TMEM74: variants seen among roughly 807,000 people sequenced by gnomAD.
TMEM74 encodes the protein transmembrane protein 74.
In TMEM74, 13 loss-of-function variants were observed where a neutral mutation model predicts 18.1. The ratio of observed to expected loss-of-function variants is 0.72; its 90% confidence interval spans 0.47 to 1.14. TMEM74 has a LOEUF of 1.14. Ranked by LOEUF, TMEM74 falls within the 50% of genes most tolerant of loss-of-function variation. TMEM74 has a pLI of 0.00. For synonymous variants in TMEM74, 159 were observed against 146.6 expected (o/e 1.08, Z -0.61); for missense variants, 372 against 375.9 (o/e 0.99, Z 0.09).
chr8:108,657,276 A>T, intron 1 of TMEM74, among the ~76,000 whole-genome samples: 1 of 152,028 alleles, frequency 6.6e-6, no homozygotes, highest in Non-Finnish European at 1.5e-5. Flanking sequence ...TTATTCAGGG[A>T]CTGAGAGAAC....
chr8:108,759,032 G>A (rs1420851926), intron 1 of TMEM74, among the ~76,000 whole-genome samples: 1 of 151,974 alleles, frequency 6.6e-6, no homozygotes, highest in Admixed American at 6.6e-5. Context: ...TAAAGTAAAT[G>A]TATAAAGCAT....
At chr8:108,611,790 G>A (rs1336824913) in intron 2 of TMEM74, among the ~76,000 whole-genome samples, 1 of 152,080 alleles carries the variant, frequency 6.6e-6, no homozygotes, top group Non-Finnish European at 1.5e-5. Flanking sequence ...ACTTGTTCAT[G>A]ACTTATATGT....
At chr8:108,654,205 G>A (rs541421926) in intron 2 of TMEM74, among the ~76,000 whole-genome samples, 1 of 152,262 alleles carries the variant, frequency 6.6e-6, no homozygotes, top group Non-Finnish European at 1.5e-5. Flanking sequence ...AAAGGCAGCA[G>A]AGGAAAAGCA....
In TMEM74 at chr8:108,729,618, G is replaced by A. The variant is rs146135441; in HGVS notation, n.119+57858C>T. ...CTATAAAACTATGCTTTGTCTATGCGATAGAATATTATAGATATTTCCCTA... is the reference window on the plus strand; with the variant it reads ...CTATAAAACTATGCTTTGTCTATGCAATAGAATATTATAGATATTTCCCTA... On this transcript the variant is annotated intron_variant and non_coding_transcript_variant, in intron 1 of 3. Coordinates refer to the TMEM74 transcript ENST00000518838. Among the ~76,000 whole-genome samples the A allele has an allele frequency of 3.1e-4, 47 of 152,238 alleles. 1 individual carries two copies. The highest frequency in any genetic ancestry group is 7.4e-5 in the Non-Finnish European group (5 of 68,010).
chr8:108,727,220 T>G (rs1361928399), intron 1 of TMEM74, among the ~76,000 whole-genome samples: 1 of 152,148 alleles, frequency 6.6e-6, no homozygotes, highest in Non-Finnish European at 1.5e-5. Context: ...CTGTAAAGTT[T>G]TGAGCACAGA....
At chr8:108,652,198 G>A (rs958832405) in intron 2 of TMEM74, among the ~76,000 whole-genome samples, 4 of 152,138 alleles carry the variant, frequency 2.6e-5, no homozygotes, top group Admixed American at 6.6e-5. Context: ...AACATTAAAA[G>A]TATCCATCAA....
chr8:108,756,639 G>GAAGGAAGA (rs1554577381), intron 1 of TMEM74, among the ~76,000 whole-genome samples: 695 of 32,556 alleles, frequency 0.021, 65 homozygotes, highest in Non-Finnish European at 0.026. Flanking sequence ...AGGAAGGAAG[G>GAAGGAAGA]AAGAAAGAAA....
chr8:108,747,253 G>T (rs1405266201), intron 1 of TMEM74, among the ~76,000 whole-genome samples: 1 of 150,966 alleles, frequency 6.6e-6, no homozygotes, highest in East Asian at 1.9e-4. Context: ...TGTGTGTGTG[G>T]AACCCACACA....
intron 2 of TMEM74, among the ~76,000 whole-genome samples, chr8:108,635,239 C>T (rs542904970): frequency 5.1e-4 from 77 of 152,026 alleles, no homozygotes; most frequent in Admixed American, 8.5e-4. Flanking sequence ...AAAACAATTG[C>T]TTCTTCCTCA....
Position 108,784,127 on chromosome 8 carries a change from T to C in TMEM74, c.*54A>G. On this transcript the variant is annotated 3_prime_UTR_variant, in exon 2 of 2. Coordinates refer to ENST00000297459, the MANE Select transcript of TMEM74 (RefSeq NM_153015.3). Reference sequence around the variant, plus strand: ...GCACTGTGAATTTTTATAAATTAACTTTTTTCATATTATAAAATGCCAAGG... The same window carrying C: ...GCACTGTGAATTTTTATAAATTAACCTTTTTCATATTATAAAATGCCAAGG... 2 of 1,432,652 alleles carry C rather than the reference T, an allele frequency of 1.4e-6. No individual in the cohort carries two copies. Among genetic ancestry groups the C allele is most frequent in the Non-Finnish European group, 9.4e-7 (1 of 1,066,368 alleles). The allele number at this position is 1,432,652 out of a possible 1,614,324, so 88.7% of individuals were successfully genotyped here.
chr8:108,636,371 G>A (rs1487353202), intron 2 of TMEM74, among the ~76,000 whole-genome samples: 5 of 151,946 alleles, frequency 3.3e-5, no homozygotes, highest in African/African-American at 4.8e-5. Context: ...GGGTGGTCCC[G>A]ACCAACCATC....
rs1450548415 is a variant in TMEM74 at position 108,782,223 on chromosome 8, A to C, written c.*1958T>G. On this transcript the variant is annotated 3_prime_UTR_variant, in exon 2 of 2. Coordinates refer to ENST00000297459, the MANE Select transcript of TMEM74 (RefSeq NM_153015.3). ...TAGAAACCTTCAGAATATAAAACTT[A>C]TACCACTGGTAAGGCAGCCTCAACA... Among the ~76,000 whole-genome samples, 1 of 152,146 alleles carries C rather than the reference A, an allele frequency of 6.6e-6. No homozygotes were observed. Among genetic ancestry groups the C allele is most frequent in the African/African-American group, 2.4e-5 (1 of 41,428 alleles).
intron 2 of TMEM74, among the ~76,000 whole-genome samples, chr8:108,611,722 A>G (rs1468013500): frequency 6.6e-6 from 1 of 152,212 alleles, no homozygotes; most frequent in African/African-American, 2.4e-5. Flanking sequence ...TAGTGTGACT[A>G]AATTTTTCTG....
chr8:108,735,622 T>C lies in TMEM74; in HGVS notation n.119+51854A>G, dbSNP rs78374327. 6.3e-3 allele frequency among the ~76,000 whole-genome samples: 962 copies of C among 152,320 alleles called. 11 individuals are homozygous for C. The highest frequency in any genetic ancestry group is 0.022 in the African/African-American group (909 of 41,572). ...TAACCTCTTGTCCATCAATGGACAT[T>C]TGGGCTATTTCCACCTTTTAAATGT... On this transcript the variant is annotated intron_variant and non_coding_transcript_variant, in intron 1 of 3. Coordinates refer to the TMEM74 transcript ENST00000518838.
At chr8:108,778,033 G>T (rs943355714), downstream of TMEM74, among the ~76,000 whole-genome samples, 1 of 151,796 alleles carries the variant, frequency 6.6e-6, no homozygotes, top group African/African-American at 2.4e-5. Context: ...GCCTTCTCTG[G>T]AGACCTTTAG....
intron 1 of TMEM74, among the ~76,000 whole-genome samples, chr8:108,695,615 T>G (rs1681990581): frequency 6.6e-6 from 1 of 152,130 alleles, no homozygotes; most frequent in Admixed American, 6.5e-5. Context: ...GAAACTGAAT[T>G]TAGATCTAGC....
chr8:108,650,703 T>TTTATTTAA (rs1387702377), intron 2 of TMEM74, among the ~76,000 whole-genome samples: 2 of 103,548 alleles, frequency 1.9e-5, no homozygotes, highest in African/African-American at 6.7e-5. Context: ...AGGCATTCTT[T>TTTATTTAA]TTATTTATTT....
intron 1 of TMEM74, among the ~76,000 whole-genome samples, chr8:108,660,105 C>T (rs1481825500): frequency 6.6e-6 from 1 of 152,094 alleles, no homozygotes; most frequent in Non-Finnish European, 1.5e-5. Flanking sequence ...TTGGCATCTG[C>T]TTCCAAAGAA....
intron 1 of TMEM74, among the ~76,000 whole-genome samples, chr8:108,725,695 G>A (rs980250332): frequency 1.3e-5 from 2 of 152,134 alleles, no homozygotes; most frequent in Admixed American, 1.3e-4. Context: ...AAAATGAAAT[G>A]AAAGAAAAGA....
Sources: allele counts gnomAD v4.1 joint callset (sites outside exome capture counted in the v4.1 genomes callset), GRCh38; gene constraint gnomAD v4.1.1; transcripts MANE v1.5; gene names NCBI Gene and HGNC (gene_info 2026-07-23, HGNC 2026-07-21).